PSG2: variants seen among roughly 807,000 people sequenced by gnomAD.
The protein encoded by PSG2 is pregnancy-specific beta-1-glycoprotein 2.
Under a neutral mutation model 36.2 loss-of-function variants are expected in PSG2, and 49 were observed. That is an observed-to-expected ratio of 1.35 (90% CI 1.08 to 1.72). PSG2 has a LOEUF of 1.72. PSG2 is among the 40% of genes most tolerant of loss of function. PSG2 has a pLI of 0.00. For missense variants in PSG2, 605 were observed against 407.2 expected (o/e 1.49, Z -4.18); for synonymous variants, 261 against 155.6 (o/e 1.68, Z -5.04).
chr19:43,071,781 G>T lies in PSG2; in HGVS notation c.883C>A (p.His295Asn). 4 of 1,612,728 alleles carry T rather than the reference G, an allele frequency of 2.5e-6. No homozygotes were observed. Among genetic ancestry groups the T allele is most frequent in the Non-Finnish European group, 3.4e-6 (4 of 1,179,266 alleles). ...NLFIPQITTKHSGLYVCSVRN... is the reference protein window; with the variant it reads ...NLFIPQITTKNSGLYVCSVRN... ...ACAGAGCAAACATAGAGCCCGCTAT[G>T]CTTTGTAGTAATTTGGGGGATAAAC... is the stretch of plus-strand genomic sequence containing the variant. The change falls in exon 4 of 6, where the codon CAT becomes AAT. Residue 295 changes from histidine (H) to asparagine (N), a missense_variant. By Grantham distance (68) the His-to-Asn change is moderately conservative. Coordinates refer to ENST00000406487, the MANE Select transcript of PSG2 (RefSeq NM_031246.4).
chr19:43,076,582 CTG>C lies in PSG2; in HGVS notation c.431-952_431-951del, dbSNP rs1236765020. On this transcript the variant is annotated intron_variant, in intron 2 of 5. Coordinates refer to ENST00000406487, the MANE Select transcript of PSG2 (RefSeq NM_031246.4). ...AGATACTTTCATTAGATATTCTACT[CTG>C]TTTCTGAGTTTAACTACCCTATGTA... 3.3e-5 allele frequency among the ~76,000 whole-genome samples: 5 copies of C among 151,756 alleles called. No homozygotes were observed. In the East Asian group the frequency reaches 9.7e-4, roughly 29 times the overall value.
chr19:43,070,084 G>T (rs1967794874), intron 4 of PSG2, among the ~76,000 whole-genome samples: 1 of 151,636 alleles, frequency 6.6e-6, no homozygotes. Context: ...CCCATGCAAA[G>T]TTCCTCAGCA....
Position 43,068,469 on chromosome 19 carries a change from AGAAAG to A in PSG2, c.965-1874_965-1870del, listed in dbSNP as rs796318244. 7.2e-3 allele frequency among the ~76,000 whole-genome samples: 960 copies of A among 133,722 alleles called. 35 individuals carry two copies. Among genetic ancestry groups the A allele is most frequent in the African/African-American group, 0.034 (920 of 27,186 alleles). The allele number at this position is 133,722 out of a possible 152,430, so 87.7% of individuals were successfully genotyped here. ...TCTCTTTTCAACAAAAAAAAAAAAAAGAAAGAAAGAAAGAAAGAAAGAAAAATGAA... is the reference window on the plus strand; with the variant it reads ...TCTCTTTTCAACAAAAAAAAAAAAAAAAAGAAAGAAAGAAAGAAAAATGAA... On this transcript the variant is annotated intron_variant, in intron 4 of 5. Coordinates refer to ENST00000406487, the MANE Select transcript of PSG2 (RefSeq NM_031246.4).
intron 2 of PSG2, among the ~76,000 whole-genome samples, 198 bp downstream of exon 2, chr19:43,080,683 G>A (rs907478288): frequency 2.3e-4 from 35 of 151,474 alleles, no homozygotes; most frequent in African/African-American, 8.5e-4. Context: ...GTGTCTGCAG[G>A]GTCTGGATGC....
chr19:43,080,474 T>C (rs1418100974), intron 2 of PSG2, among the ~76,000 whole-genome samples: 1 of 151,738 alleles, frequency 6.6e-6, no homozygotes, highest in Admixed American at 6.6e-5. Context: ...AGCAAGGATT[T>C]AGGGACAGGG....
Position 43,072,644 on chromosome 19 carries a change from G to A in PSG2, c.710-690C>T, listed in dbSNP as rs992925469. Reference sequence around the variant, plus strand: ...GGGCAGCTTCGCTGTGTGGATAACAGAGAGAAGATTGTCCTGTGTGGCACT... The same window carrying A: ...GGGCAGCTTCGCTGTGTGGATAACAAAGAGAAGATTGTCCTGTGTGGCACT... On this transcript the variant is annotated intron_variant, in intron 3 of 5. Coordinates refer to ENST00000406487, the MANE Select transcript of PSG2 (RefSeq NM_031246.4). 2.5e-5 allele frequency: 41 copies of A among 1,610,216 alleles called. 1 individual carries two copies. The Admixed American group carries it at 5.8e-4, about 23-fold the overall frequency.
In PSG2 at chr19:43,071,699, C is replaced by A. The variant is rs1220658868; in HGVS notation, c.964+1G>T. 1.4e-5 allele frequency: 22 copies of A among 1,612,866 alleles called. No individual in the cohort carries two copies. Among genetic ancestry groups the A allele is most frequent in the Non-Finnish European group, 1.9e-5 (22 of 1,179,490 alleles). ...TGCCAAGGATGCTGGGATCCACTTA[C>A]CAGAGACTTTGACTGTCAACGATGT... is the stretch of plus-strand genomic sequence containing the variant. On this transcript the variant is annotated splice_donor_variant, in intron 4 of 5. Transcript: ENST00000406487. LOFTEE classifies it high-confidence loss of function.
intron 2 of PSG2, among the ~76,000 whole-genome samples, chr19:43,079,170 G>C (rs1967936813): frequency 6.6e-6 from 1 of 151,598 alleles, no homozygotes. Context: ...GGAGGAAGAT[G>C]AGGGACACAG....
chr19:43,074,250 G>T (rs1967860161), intron 3 of PSG2, among the ~76,000 whole-genome samples: 2 of 151,622 alleles, frequency 1.3e-5, no homozygotes, highest in South Asian at 2.1e-4. Context: ...TGTGATTCTG[G>T]GAGGGGTTGC....
chr19:43,069,159 G>A (rs1159812373), intron 4 of PSG2, among the ~76,000 whole-genome samples: 1 of 151,506 alleles, frequency 6.6e-6, no homozygotes, highest in African/African-American at 2.4e-5. Flanking sequence ...TAACCAAAGA[G>A]GTGAAATGAT....
intron 2 of PSG2, among the ~76,000 whole-genome samples, chr19:43,079,901 GATCTCCCCTTTGT>G (rs1340332451): frequency 6.6e-6 from 1 of 151,630 alleles, no homozygotes; most frequent in Non-Finnish European, 1.5e-5. Flanking sequence ...ATGTGACCCT[GATCTCCCCTTTGT>G]GTTGGTGTGA....
Position 43,081,056 on chromosome 19 carries a change from G to A in PSG2, c.255C>T (p.Asp85=), listed in dbSNP as rs148293206. 7.0e-4 allele frequency: 1,129 copies of A among 1,612,656 alleles called. 8 individuals carry two copies. Among genetic ancestry groups the A allele is most frequent in the Non-Finnish European group, 5.4e-4 (639 of 1,179,628 alleles). ...CAGGCCCATATATAATTATTTGACC[G>A]TCTACTACATATGATGTAATGTAAT... ...LYHYITSYVV[D]GQIIIYGPAY... The change falls in exon 2 of 6, where the codon GAC becomes GAT. Residue 85 remains aspartate (D), a synonymous_variant. Transcript: ENST00000406487.
intron 4 of PSG2, among the ~76,000 whole-genome samples, chr19:43,067,915 A>T (rs1967763459): frequency 6.6e-6 from 1 of 151,392 alleles, no homozygotes; most frequent in South Asian, 2.1e-4. Context: ...TCAACAACCT[A>T]CTTTAATACT....
chr19:43,080,856 C>G (rs778287065), intron 2 of PSG2, 25 bp downstream of exon 2: 1 of 1,611,834 alleles, frequency 6.2e-7, no homozygotes, highest in Non-Finnish European at 8.5e-7. Flanking sequence ...CCCCCAACAC[C>G]CAGGGATCAT....
At chr19:43,076,819 A>G (rs1967903140) in intron 2 of PSG2, among the ~76,000 whole-genome samples, 1 of 134,162 alleles carries the variant, frequency 7.5e-6, no homozygotes, top group African/African-American at 3.5e-5. Flanking sequence ...AGTGTTTTGG[A>G]TTTCTAATTT....
intron 1 of PSG2, among the ~76,000 whole-genome samples, chr19:43,081,596 C>T (rs1249191501): frequency 1.3e-5 from 2 of 151,562 alleles, no homozygotes; most frequent in Non-Finnish European, 2.9e-5. Flanking sequence ...TCTTTCCTGA[C>T]ACCTCCTTCA....
chr19:43,071,007 C>T (rs1967807152), intron 4 of PSG2, among the ~76,000 whole-genome samples: 2 of 151,648 alleles, frequency 1.3e-5, no homozygotes, highest in African/African-American at 4.9e-5. Context: ...CTTCATACAA[C>T]CGCTGACTTC....
chr19:43,065,140 T>C (rs1967723191), intron 5 of PSG2, among the ~76,000 whole-genome samples: 2 of 151,790 alleles, frequency 1.3e-5, no homozygotes, highest in Non-Finnish European at 2.9e-5. Context: ...CAGCCTAGAA[T>C]ACTCATATTA....
At chr19:43,072,690 C>A (rs897678468) in intron 3 of PSG2, 4 of 1,591,400 alleles carry the variant, frequency 2.5e-6, no homozygotes, top group South Asian at 1.1e-5. Context: ...CCACAGGCAT[C>A]CTTCAATCAG....
Sources: gnomAD v4.1 joint callset for allele counts (sites outside exome capture counted in the v4.1 genomes callset) on GRCh38, gnomAD v4.1.1 for gene constraint, MANE v1.5 for transcripts, NCBI Gene and HGNC (gene_info 2026-07-23, HGNC 2026-07-21) for gene names.